Variants in CD1B observed in about 807,000 individuals in gnomAD.
CD1B encodes CD1b molecule, also known as T-cell surface glycoprotein CD1b.
A neutral mutation model predicts 39.8 loss-of-function variants in CD1B; 43 were observed. The ratio of observed to expected loss-of-function variants is 1.08; its 90% CI spans 0.85 to 1.39. The LOEUF is 1.39. Among genes scored for constraint, CD1B ranks in the 40% most tolerant of loss-of-function variants. The probability of loss-of-function intolerance (pLI) is 0.00; values close to 1 mark genes in which losing one functional copy is unlikely to be tolerated. For synonymous variants in CD1B, 192 were observed against 152.5 expected (o/e 1.26, Z -1.91); for missense variants, 495 against 403.8 (o/e 1.23, Z -1.94).
chr1:158,320,494 G>A, the CD1B span, among the ~76,000 whole-genome samples: 111 of 152,232 alleles, frequency 7.3e-4, 4 homozygotes, highest in South Asian at 0.023. Flanking sequence ...CCCGAGTGAG[G>A]CAATGCCTCA....
At chr1:158,292,221 G>A in the CD1B span, 2 of 1,614,162 alleles carry the variant, frequency 1.2e-6, no homozygotes, top group Non-Finnish European at 8.5e-7. Context: ...TCCAGGCTGT[G>A]GAAGTTTGGC....
At chr1:158,297,950 A>AC in the CD1B span, among the ~76,000 whole-genome samples, 1 of 35,130 alleles carries the variant, frequency 2.8e-5, no homozygotes, top group African/African-American at 3.3e-4. Context: ...TAAAAAAGAC[A>AC]AAAAAAAAAA....
In CD1B at chr1:158,331,354, G is replaced by A. The variant is rs765280824; in HGVS notation, c.61+9C>T. On this transcript the variant is annotated intron_variant, in intron 1 of 5. Transcript: ENST00000368168. ...CACCAGTGCTGGGAGCTGCCAGAGTGACTCTTACCATGTTCACTGTTACCA... is the reference window on the plus strand; with the variant it reads ...CACCAGTGCTGGGAGCTGCCAGAGTAACTCTTACCATGTTCACTGTTACCA... 44 of 1,612,598 alleles carry A rather than the reference G, an allele frequency of 2.7e-5. No individual in the cohort carries two copies. The highest frequency in any genetic ancestry group is 3.4e-5 in the Non-Finnish European group (40 of 1,178,744).
At chr1:158,300,236 G>A in the CD1B span, among the ~76,000 whole-genome samples, 1 of 152,108 alleles carries the variant, frequency 6.6e-6, no homozygotes, top group African/African-American at 2.4e-5. Flanking sequence ...CCTTCATTTT[G>A]TTATTTACCA....
the CD1B span, chr1:158,292,868 T>C: frequency 1.2e-6 from 2 of 1,613,888 alleles, no homozygotes; most frequent in African/African-American, 1.3e-5. Context: ...CATCATCCTC[T>C]ACTGGGGTAA....
chr1:158,317,614 G>C, the CD1B span, among the ~76,000 whole-genome samples: 3 of 151,998 alleles, frequency 2.0e-5, no homozygotes, highest in African/African-American at 7.3e-5. Context: ...CAAAAAACCA[G>C]CTCCTGGATT....
the CD1B span, among the ~76,000 whole-genome samples, chr1:158,299,146 G>A: frequency 2.0e-5 from 3 of 152,104 alleles, no homozygotes; most frequent in African/African-American, 7.2e-5. Context: ...TATTGGCTGT[G>A]GGTTTGTCAT....
the CD1B span, among the ~76,000 whole-genome samples, chr1:158,315,525 T>G: frequency 6.6e-6 from 1 of 151,888 alleles, no homozygotes; most frequent in African/African-American, 2.4e-5. Context: ...TCTTGTAAAT[T>G]TGTTTGAGTT....
At position 158,330,930 on chromosome 1, in the gene CD1B, G is replaced by A. The variant is rs368597912; in HGVS notation, c.194C>T (p.Ala65Val). The change falls in exon 2 of 6, where the codon GCC (alanine) becomes GTC (valine). Residue 65 changes from alanine (A) to valine (V), a missense_variant. Ala to Val is a moderately conservative substitution (Grantham distance 64, BLOSUM62 0). Transcript: ENST00000368168. ...IHGWDSDSGT[A>V]IFLKPWSKGN... The stretch of plus-strand genomic sequence containing the variant: ...TTTAGACCAAGGCTTCAGGAATATG[G>A]CAGTGCCTGAGTCGCTATCCCAGCC... The A allele has an allele frequency of 9.3e-6, 15 of 1,613,974 alleles. No homozygotes were observed. In the African/African-American group the frequency reaches 1.2e-4, roughly 13 times the overall value.
At chr1:158,286,337 CTATATT>C in the CD1B span, among the ~76,000 whole-genome samples, 2 of 152,164 alleles carry the variant, frequency 1.3e-5, no homozygotes, top group African/African-American at 4.8e-5. Context: ...ATTCTTGCAT[CTATATT>C]TATAAGTATT....
At chr1:158,293,116 T>G in the CD1B span, 1 of 1,015,870 alleles carries the variant, frequency 9.8e-7, no homozygotes. Flanking sequence ...CTGATGCAAC[T>G]CATCCAATGC....
At chr1:158,293,020 G>C in the CD1B span, 1 of 890,932 alleles carries the variant, frequency 1.1e-6, no homozygotes, top group African/African-American at 1.7e-5. Context: ...TAAGACCTAA[G>C]GGATACATGG....
the CD1B span, among the ~76,000 whole-genome samples, chr1:158,304,906 G>C: frequency 1.4e-4 from 21 of 152,160 alleles, no homozygotes; most frequent in Middle Eastern, 3.4e-3. Context: ...CTAACAAACA[G>C]TAAGGACATC....
chr1:158,318,230 G>C, the CD1B span, among the ~76,000 whole-genome samples: 1 of 152,272 alleles, frequency 6.6e-6, no homozygotes, highest in East Asian at 1.9e-4. Flanking sequence ...TTGACTTTCT[G>C]TCTTGTTGAT....
chr1:158,321,194 G>A, the CD1B span, among the ~76,000 whole-genome samples: 6 of 152,240 alleles, frequency 3.9e-5, no homozygotes, highest in South Asian at 2.1e-4. Context: ...CAATTGTTGG[G>A]TACATGCATA....
the CD1B span, among the ~76,000 whole-genome samples, chr1:158,319,344 T>C: frequency 6.6e-6 from 1 of 152,184 alleles, no homozygotes. Flanking sequence ...CCCATATTTC[T>C]TGGAGGCTTT....
At chr1:158,309,842 GA>G in the CD1B span, among the ~76,000 whole-genome samples, 1 of 117,124 alleles carries the variant, frequency 8.5e-6, no homozygotes, top group African/African-American at 3.1e-5. Context: ...GGGGTGGGGG[GA>G]AGGGGGAGGG....
chr1:158,318,080 C>T, the CD1B span, among the ~76,000 whole-genome samples: 3 of 152,056 alleles, frequency 2.0e-5, no homozygotes, highest in Non-Finnish European at 4.4e-5. Context: ...GCTTTACTGC[C>T]AACTATGTGA....
At chr1:158,307,864 C>A in the CD1B span, among the ~76,000 whole-genome samples, 1 of 152,034 alleles carries the variant, frequency 6.6e-6, no homozygotes, top group African/African-American at 2.4e-5. Context: ...TATGACAAAC[C>A]CACAGGCAAT....
Sources: allele counts gnomAD v4.1 joint callset (sites outside exome capture counted in the v4.1 genomes callset), GRCh38; gene constraint gnomAD v4.1.1; transcripts MANE v1.5; gene names NCBI Gene and HGNC (gene_info 2026-07-23, HGNC 2026-07-21).